The following YES1 variants were observed in gnomAD, a reference collection of about 807,000 sequenced individuals.
YES1 encodes the protein YES proto-oncogene 1, Src family tyrosine kinase, also known as tyrosine-protein kinase Yes.
YES1 carries 39 observed loss-of-function variants against 70.4 expected under a neutral mutation model. The ratio of observed to expected loss-of-function variants is 0.55; its 90% confidence interval spans 0.43 to 0.72. The LOEUF is 0.72. Among genes scored for constraint, YES1 ranks in the 30% least tolerant of loss-of-function variants. YES1 has a pLI of 0.00. For synonymous variants in YES1, 198 were observed against 218.6 expected, an observed-to-expected ratio of 0.91 and a Z score of 0.83; for missense variants, 495 against 644.8, an observed-to-expected ratio of 0.77 and a Z score of 2.52.
intron 1 of YES1, among the ~76,000 whole-genome samples, chr18:771,790 C>A (rs1311455975): frequency 6.6e-6 from 1 of 151,816 alleles, no homozygotes; most frequent in Non-Finnish European, 1.5e-5. Context: ...ACACTTCGGC[C>A]TTCCCTGGGA....
chr18:805,567 A>C (rs1005409761), intron 1 of YES1, among the ~76,000 whole-genome samples: 21 of 152,182 alleles, frequency 1.4e-4, no homozygotes, highest in Admixed American at 1.1e-3. Flanking sequence ...ACGCCTAGGG[A>C]GTTTACTGAA....
chr18:749,017 T>C (rs181219530), intron 3 of YES1, among the ~76,000 whole-genome samples: 378 of 152,042 alleles, frequency 2.5e-3, no homozygotes, highest in African/African-American at 8.6e-3. Context: ...AAAAATTAGC[T>C]AGATGCAGCG....
chr18:783,615 CTCTTT>C (rs1342548778), intron 1 of YES1, among the ~76,000 whole-genome samples: 2 of 125,648 alleles, frequency 1.6e-5, no homozygotes, highest in Non-Finnish European at 3.3e-5. Flanking sequence ...ATCAATTTTT[CTCTTT>C]TTTTTTTTTT....
At position 770,470 on chromosome 18, in the gene YES1, G is replaced by C. The variant is rs79946736; in HGVS notation, c.-8-13635C>G. 5.6e-3 allele frequency among the ~76,000 whole-genome samples: 859 copies of C among 152,094 alleles called. 16 individuals are homozygous for C. The highest frequency in any genetic ancestry group is 0.035 in the Admixed American group (536 of 15,268). On this transcript the variant is annotated intron_variant, in intron 1 of 11. Coordinates refer to ENST00000314574, the MANE Select transcript of YES1 (RefSeq NM_005433.4). ...TTTTACTCCATGTATGTTCATTCTA[G>C]AATTCAGCAAAAAGTCAGAGACTTC...
chr18:779,443 A>AT (rs528165536), intron 1 of YES1, among the ~76,000 whole-genome samples: 7 of 151,716 alleles, frequency 4.6e-5, no homozygotes, highest in African/African-American at 1.2e-4. Flanking sequence ...GTATAGAATA[A>AT]TTTTTTTTGT....
At position 730,343 on chromosome 18, in the gene YES1, A is replaced by ATTT. The variant is rs59787531; in HGVS notation, c.1423+2488_1423+2490dup. ...TAGAACTGACCAAGGACCCAAGAGG[A>ATTT]TTTTTTTTTTTTTTTTTTTGAGACA... is the stretch of plus-strand genomic sequence containing the variant. On this transcript the variant is annotated intron_variant, in intron 11 of 11. Coordinates refer to ENST00000314574, the MANE Select transcript of YES1 (RefSeq NM_005433.4). 1.8e-4 allele frequency among the ~76,000 whole-genome samples: 24 copies of ATTT among 132,274 alleles called. No homozygotes were observed. In the East Asian group the frequency reaches 4.8e-3, roughly 27 times the overall value. 86.8% of individuals were successfully genotyped at this position (132,274 alleles called of 152,430 possible).
chr18:751,033 T>C (rs2080335552), intron 3 of YES1, among the ~76,000 whole-genome samples: 1 of 152,190 alleles, frequency 6.6e-6, no homozygotes, highest in Non-Finnish European at 1.5e-5. Flanking sequence ...AAGTGGTAGG[T>C]ACTGAATATT....
chr18:773,455 C>T (rs1905240672), intron 1 of YES1, among the ~76,000 whole-genome samples: 1 of 152,164 alleles, frequency 6.6e-6, no homozygotes, highest in Non-Finnish European at 1.5e-5. Flanking sequence ...GTTGTCTTGT[C>T]ACCCCCTAAA....
intron 6 of YES1, 48 bp downstream of exon 6, chr18:745,660 A>G: frequency 6.5e-7 from 1 of 1,536,036 alleles, no homozygotes; most frequent in South Asian, 1.3e-5. Flanking sequence ...TTGTCCTCAT[A>G]AACTAGAATA....
chr18:812,332 C>G (rs977639416), upstream of YES1: 1 of 61,916 alleles, frequency 1.6e-5, no homozygotes, highest in Non-Finnish European at 3.1e-5. Context: ...CCTCCGCCCC[C>G]CCCCCCCGGC....
chr18:761,287 G>C (rs1378834586), intron 1 of YES1, among the ~76,000 whole-genome samples: 1 of 151,328 alleles, frequency 6.6e-6, no homozygotes, highest in Non-Finnish European at 1.5e-5. Context: ...TTAAAAGTCG[G>C]TACAAGGAAT....
intron 1 of YES1, among the ~76,000 whole-genome samples, chr18:784,032 C>T (rs571083799): frequency 1.3e-5 from 2 of 152,220 alleles, no homozygotes; most frequent in East Asian, 1.9e-4. Flanking sequence ...CATAATACGA[C>T]GGAATTTCCC....
chr18:740,055 G>T (rs1271175392), intron 8 of YES1, among the ~76,000 whole-genome samples: 1 of 152,124 alleles, frequency 6.6e-6, no homozygotes, highest in East Asian at 1.9e-4. Flanking sequence ...CCTGACAAGA[G>T]GCATTTTTTC....
chr18:740,614 T>C (rs1229616471), intron 8 of YES1, among the ~76,000 whole-genome samples: 1 of 152,216 alleles, frequency 6.6e-6, no homozygotes, highest in Non-Finnish European at 1.5e-5. Flanking sequence ...AGTGGGTTTA[T>C]GCTGGAGTGC....
At position 732,906 on chromosome 18, in the gene YES1, T is replaced by C; in HGVS notation, c.1351A>G (p.Ile451Val). 2.5e-6 allele frequency: 4 copies of C among 1,614,226 alleles called. No individual in the cohort carries two copies. The highest frequency in any genetic ancestry group is 3.4e-6 in the Non-Finnish European group (4 of 1,180,048). Reference protein sequence around the residue: ...PEAALYGRFTIKSDVWSFGIL... With the variant: ...PEAALYGRFTVKSDVWSFGIL... ...CCAAATGACCAGACATCAGACTTTATTGTAAACCGACCATACAGTGCAGCT... is the reference window on the plus strand; with the variant it reads ...CCAAATGACCAGACATCAGACTTTACTGTAAACCGACCATACAGTGCAGCT... Residue 451 changes from isoleucine to valine, a missense_variant, in exon 11 of 12, where the codon ATA becomes GTA. Physicochemically the swap from Ile to Val is conservative, Grantham distance 29. This residue lies in a region of YES1 where 385 missense variants were observed against 540.9 expected (regional missense o/e 0.71). Transcript: ENST00000314574.
At chr18:812,659 C>A (rs918884815), upstream of YES1, 1 of 152,684 alleles carries the variant, frequency 6.5e-6, no homozygotes, top group Admixed American at 6.5e-5. Context: ...CCTTCCCACC[C>A]GCGAACCCAC....
chr18:770,498 T>C (rs1227769403), intron 1 of YES1, among the ~76,000 whole-genome samples: 1 of 152,162 alleles, frequency 6.6e-6, no homozygotes, highest in Non-Finnish European at 1.5e-5. Flanking sequence ...GAGACTTCTA[T>C]GGATAGCATT....
intron 1 of YES1, among the ~76,000 whole-genome samples, chr18:765,248 C>CTATA (rs71174288): frequency 0.017 from 1,563 of 90,934 alleles, 30 homozygotes; most frequent in East Asian, 0.028. Context: ...AGAGTTACAA[C>CTATA]TATATATATA....
intron 3 of YES1, among the ~76,000 whole-genome samples, chr18:751,162 T>G (rs1342341562): frequency 6.6e-6 from 1 of 152,124 alleles, no homozygotes; most frequent in Non-Finnish European, 1.5e-5. Flanking sequence ...TTTTGAGAAG[T>G]TACAAAGTGG....
Sources: allele counts gnomAD v4.1 joint callset (sites outside exome capture counted in the v4.1 genomes callset), GRCh38; gene constraint gnomAD v4.1.1; regional missense constraint gnomAD v4.1.1; transcripts MANE v1.5; gene names NCBI Gene and HGNC (gene_info 2026-07-23, HGNC 2026-07-21).